The following FAAP100 variants were observed in gnomAD, a reference collection of about 807,000 sequenced individuals.
FAAP100 encodes the protein Fanconi anemia core complex-associated protein 100.
A neutral mutation model predicts 65.8 loss-of-function variants in FAAP100; 46 were observed. The ratio of observed to expected loss-of-function variants is 0.70; its 90% CI spans 0.55 to 0.89. The LOEUF is 0.89. FAAP100 is among the 40% of genes least tolerant of loss of function. The pLI is 0.00. For missense variants in FAAP100, 1,165 were observed against 1,196.7 expected (o/e 0.97, Z 0.39); for synonymous variants, 663 against 555.1 (o/e 1.19, Z -2.73).
chr17:81,545,169 A>G (rs921074148), intron 6 of FAAP100, among the ~76,000 whole-genome samples: 2 of 152,142 alleles, frequency 1.3e-5, no homozygotes, highest in Non-Finnish European at 2.9e-5. Context: ...ACCTTGTCTC[A>G]AAGAAAACCA....
chr17:81,541,629 T>C (rs1489966990), intron 7 of FAAP100, among the ~76,000 whole-genome samples: 1 of 152,184 alleles, frequency 6.6e-6, no homozygotes, highest in Non-Finnish European at 1.5e-5. Context: ...GCGAACTCGT[T>C]TGGTTCTTTT....
rs1598602585 is a variant in FAAP100, at chr17:81,552,269, A to C, written c.62T>G (p.Leu21Arg). ...LAGFCCPLGG[L>R]AAGKPRVLCH... Reference sequence around the variant, plus strand: ...CAGCACGCGGGGCTTGCCCGCCGCCAGGCCCCCGAGAGGGCAGCAGAAGCC... The same window carrying C: ...CAGCACGCGGGGCTTGCCCGCCGCCCGGCCCCCGAGAGGGCAGCAGAAGCC... Residue 21 changes from leucine to arginine, a missense_variant, in exon 1 of 9, where the codon CTG becomes CGG. Physicochemically the swap from Leu to Arg is moderately radical, Grantham distance 102. Coordinates refer to ENST00000327787, the MANE Select transcript of FAAP100 (RefSeq NM_025161.6). 2 of 1,477,290 alleles carry C rather than the reference A, an allele frequency of 1.4e-6. No homozygotes were observed. The allele number at this position is 1,477,290 out of a possible 1,614,324, so 91.5% of individuals were successfully genotyped here. A position where few individuals can be genotyped will look rare whatever the true frequency, so the allele number is the denominator to read the frequency against.
rs1186866146 is a variant in FAAP100, at chr17:81,550,960, G to A, written c.534C>T (p.Tyr178=). 6 of 1,612,156 alleles carry A rather than the reference G, an allele frequency of 3.7e-6. No homozygotes were observed. The highest frequency in any genetic ancestry group is 5.1e-6 in the Non-Finnish European group (6 of 1,179,662). The change falls in exon 3 of 9, where the codon TAC becomes TAT. Residue 178 remains tyrosine (Y), a synonymous_variant. Coordinates refer to ENST00000327787, the MANE Select transcript of FAAP100 (RefSeq NM_025161.6). ...TTCCTGGGACCCCGGCTGGGGGCGT[G>A]TAGGAGGACAGCTCCACCTCACCGA... ...GQIGEVELSS[Y]TPPAGVPGKP...
chr17:81,548,047 C>T (rs2033373511), intron 4 of FAAP100: 3 of 681,330 alleles, frequency 4.4e-6, no homozygotes, highest in Non-Finnish European at 8.1e-6. Context: ...CCTTGGCTCC[C>T]CAGAATGTTC....
At chr17:81,546,427 G>A (rs543997477) in intron 5 of FAAP100, 13 of 160,768 alleles carry the variant, frequency 8.1e-5, no homozygotes, top group Non-Finnish European at 1.6e-4. Context: ...GGGCTTTGGG[G>A]TGAGCGCAGC....
chr17:81,540,453 G>A lies in FAAP100; in HGVS notation c.*366C>T, dbSNP rs564425884. On this transcript the variant is annotated 3_prime_UTR_variant, in exon 9 of 9. Coordinates refer to ENST00000327787, the MANE Select transcript of FAAP100 (RefSeq NM_025161.6). ...AGAAATCCTGTTTCTCTGGCCCTCCGGGTCCAGAATGCCCTGCACTGCCTC... is the reference window on the plus strand; with the variant it reads ...AGAAATCCTGTTTCTCTGGCCCTCCAGGTCCAGAATGCCCTGCACTGCCTC... 2.5e-5 allele frequency: 10 copies of A among 404,076 alleles called. No individual in the cohort carries two copies. The highest frequency in any genetic ancestry group is 1.2e-4 in the South Asian group (1 of 8,468). The allele number at this position is 404,076 out of a possible 1,614,324, so 25.0% of individuals were successfully genotyped here. A position where few individuals can be genotyped will look rare whatever the true frequency, so the allele number is the denominator to read the frequency against.
chr17:81,548,762 G>C (rs953468646), intron 4 of FAAP100, among the ~76,000 whole-genome samples: 1 of 151,146 alleles, frequency 6.6e-6, no homozygotes, highest in East Asian at 2.0e-4. Flanking sequence ...AAGTAGGGTC[G>C]GGCCCGGTGG....
At chr17:81,549,711 G>C (rs1449902945) in intron 3 of FAAP100, among the ~76,000 whole-genome samples, 1 of 152,212 alleles carries the variant, frequency 6.6e-6, no homozygotes, top group Non-Finnish European at 1.5e-5. Context: ...ACTGGTAGGA[G>C]GTGTGTGGCT....
chr17:81,542,182 AAAAAAAAAAAAAAAAAAAATATATAT>A (rs1203365890), intron 7 of FAAP100, among the ~76,000 whole-genome samples: 2 of 25,456 alleles, frequency 7.9e-5, no homozygotes, highest in African/African-American at 3.3e-4. Context: ...AAAAAAAAAA[AAAAAAAAAAAAAAAAAAAATATATAT>A]ATATATATAT....
At chr17:81,541,964 G>A (rs113851921) in intron 7 of FAAP100, among the ~76,000 whole-genome samples, 5,044 of 151,828 alleles carry the variant, frequency 0.033, 265 homozygotes, top group African/African-American at 0.11. Context: ...TCAGGAGATC[G>A]AGACCATCCC....
rs769405985 is a variant in FAAP100 at position 81,549,235 on chromosome 17, C to T, written c.1374G>A (p.Leu458=). The part of the protein sequence containing the change: ...TESAGQKIKE[L]LSGIGNISER... The stretch of plus-strand genomic sequence containing the variant: ...CAGAGATGTTGCCAATTCCAGACAG[C>T]AGCTCCTTTATTTTCTGACCTGCAC... The change falls in exon 4 of 9, where the codon CTG becomes CTA. Residue 458 remains leucine, a synonymous_variant. Transcript: ENST00000327787. 1 of 1,612,884 alleles carries T rather than the reference C, an allele frequency of 6.2e-7. No homozygotes were observed.
At chr17:81,541,271 C>T in intron 8 of FAAP100, 38 bp downstream of exon 8, 1 of 1,574,270 alleles carries the variant, frequency 6.4e-7, no homozygotes. Flanking sequence ...TCCTGGCTAC[C>T]CAGGGGAAGG....
Position 81,550,947 on chromosome 17 carries a change from C to T in FAAP100, c.547G>A (p.Gly183Arg), listed in dbSNP as rs139297537. 5.9e-4 allele frequency: 946 copies of T among 1,611,886 alleles called. No homozygotes were observed. The highest frequency in any genetic ancestry group is 1.2e-3 in the Admixed American group (73 of 59,914). ...VELSSYTPPA[G>R]VPGKPAAPHF... Reference sequence around the variant, plus strand: ...GGGGCTGCAGGCTTTCCTGGGACCCCGGCTGGGGGCGTGTAGGAGGACAGC... The same window carrying T: ...GGGGCTGCAGGCTTTCCTGGGACCCTGGCTGGGGGCGTGTAGGAGGACAGC... The change falls in exon 3 of 9, where the codon GGG becomes AGG. Residue 183 changes from glycine (G) to arginine (R), a missense_variant. Coordinates refer to ENST00000327787, the MANE Select transcript of FAAP100 (RefSeq NM_025161.6).
Position 81,549,344 on chromosome 17 carries a change from G to A in FAAP100, c.1265C>T (p.Ala422Val). 6.2e-7 allele frequency: 1 copy of A among 1,609,598 alleles called. No individual in the cohort carries two copies. Among genetic ancestry groups the A allele is most frequent in the Middle Eastern group, 1.7e-4 (1 of 6,034 alleles). ...RTHEGGTKLL[A>V]LSAKGRLMTC... ...CATCAGGCGGCCTTTGGCGGACAGG[G>A]CCAGGAGCTTGGTGCCACCTGGTGA... The change falls in exon 4 of 9, where the codon GCC becomes GTC. Residue 422 changes from alanine (A) to valine (V), a missense_variant. Coordinates refer to ENST00000327787, the MANE Select transcript of FAAP100 (RefSeq NM_025161.6).
chr17:81,544,740 GAC>G (rs2033238833), intron 6 of FAAP100, among the ~76,000 whole-genome samples: 2 of 152,228 alleles, frequency 1.3e-5, no homozygotes, highest in South Asian at 2.1e-4. Context: ...GCCCAGAGAG[GAC>G]ACAGTCACCT....
At chr17:81,545,712 G>C (rs1449617569) in intron 6 of FAAP100, 34 bp downstream of exon 6, 7 of 1,590,918 alleles carry the variant, frequency 4.4e-6, no homozygotes, top group Non-Finnish European at 8.6e-7. Context: ...AGAACTGCTG[G>C]TGCCGTGGCT....
chr17:81,547,589 G>A lies in FAAP100; in HGVS notation c.1493C>T (p.Ser498Leu). ...EAMNVSCALL[S>L]SGTGPRPISC... ...GATGGGTCTGGGGCCCGTGCCGCTT[G>A]ACAGCAGTGCACAGCTCACGTTCAT... is the stretch of plus-strand genomic sequence containing the variant. Residue 498 changes from serine (S) to leucine (L), a missense_variant, in exon 5 of 9, where the codon TCA becomes TTA. Transcript: ENST00000327787. 2 of 1,613,546 alleles carry A rather than the reference G, an allele frequency of 1.2e-6. No individual in the cohort carries two copies. The highest frequency in any genetic ancestry group is 1.7e-6 in the Non-Finnish European group (2 of 1,180,034).
At chr17:81,542,812 T>C (rs76783795) in intron 7 of FAAP100, among the ~76,000 whole-genome samples, 1 of 152,154 alleles carries the variant, frequency 6.6e-6, no homozygotes, top group Non-Finnish European at 1.5e-5. Context: ...AAAAGGGATA[T>C]CTGGACACAA....
At chr17:81,550,171 G>T in intron 3 of FAAP100, 77 bp downstream of exon 3, 2 of 1,336,380 alleles carry the variant, frequency 1.5e-6, no homozygotes, top group Non-Finnish European at 2.1e-6. Flanking sequence ...AAAGGAAGGC[G>T]GCCTGATAGT....
Sources: gnomAD v4.1 joint callset for allele counts (sites outside exome capture counted in the v4.1 genomes callset) on GRCh38, gnomAD v4.1.1 for gene constraint, MANE v1.5 for transcripts, NCBI Gene and HGNC (gene_info 2026-07-23, HGNC 2026-07-21) for gene names.